The following GPR35 variants were observed in gnomAD, a reference collection of about 807,000 sequenced individuals.
The protein encoded by GPR35 is KYNA receptor.
For synonymous variants in GPR35, 207 were observed against 198.4 expected (o/e 1.04, Z -0.36); for missense variants, 372 against 422.5 (o/e 0.88, Z 1.05).
chr2:240,609,818 A>G (rs1445907226), intron 2 of GPR35, among the ~76,000 whole-genome samples: 1 of 152,212 alleles, frequency 6.6e-6, no homozygotes, highest in Non-Finnish European at 1.5e-5. Context: ...GTGTCATAAT[A>G]ACCGATCACA....
rs1405711783 is a variant in GPR35 at position 240,630,646 on chromosome 2, C to G, written c.694C>G (p.Pro232Ala). 3 of 1,612,956 alleles carry G rather than the reference C, an allele frequency of 1.9e-6. No individual in the cohort carries two copies. The highest frequency in any genetic ancestry group is 2.5e-6 in the Non-Finnish European group (3 of 1,180,024). Residue 232 changes from proline (P) to alanine (A), a missense_variant, in exon 2 of 2, where the codon CCC becomes GCC. Transcript: ENST00000407714. ...CCTGGTGTTCGTGGTCTGCTTCCTG[C>G]CCCTGCACGTGGGGCTGACAGTGCG... ...NLLVFVVCFL[P>A]LHVGLTVRLA...
intron 2 of GPR35, among the ~76,000 whole-genome samples, chr2:240,613,874 A>G (rs2043211948): frequency 6.6e-6 from 1 of 150,918 alleles, no homozygotes; most frequent in Admixed American, 6.6e-5. Flanking sequence ...CCTAACCCTA[A>G]CTCAACCCAA....
At chr2:240,608,005 C>A (rs915606669) in intron 2 of GPR35, among the ~76,000 whole-genome samples, 1 of 152,296 alleles carries the variant, frequency 6.6e-6, no homozygotes, top group African/African-American at 2.4e-5. Flanking sequence ...GATCCTCCCA[C>A]CTCAGCTTCC....
At chr2:240,627,541 A>G (rs1015182910) in intron 1 of GPR35, 9 of 148,950 alleles carry the variant, frequency 6.0e-5, no homozygotes, top group African/African-American at 1.7e-4. Context: ...ATCATAGCTC[A>G]CTTCAGCCTC....
chr2:240,616,267 G>T, intron 2 of GPR35: 1 of 636,070 alleles, frequency 1.6e-6, no homozygotes, highest in Non-Finnish European at 2.8e-6. Context: ...TGGGCTCGTG[G>T]TCCCAACCTC....
At position 240,631,031 on chromosome 2, in the gene GPR35, CCAGGTACCTGCT is replaced by C; in HGVS notation, c.*151_*162del. The C allele has an allele frequency of 3.0e-6, 2 of 666,302 alleles. No individual in the cohort carries two copies. Among genetic ancestry groups the C allele is most frequent in the South Asian group, 3.8e-5 (2 of 52,602 alleles). The allele number at this position is 666,302 out of a possible 1,614,324, so 41.3% of individuals were successfully genotyped here. ...GGAGCCTTGGGTGGGCAGGGACGGC[CCAGGTACCTGCT>C]CTCTTGGGAAGAGAGAGGGACAGGG... is the stretch of plus-strand genomic sequence containing the variant. On this transcript the variant is annotated 3_prime_UTR_variant, in exon 2 of 2. Transcript: ENST00000407714.
At chr2:240,608,304 C>T (rs1469611775) in intron 2 of GPR35, among the ~76,000 whole-genome samples, 3 of 152,288 alleles carry the variant, frequency 2.0e-5, no homozygotes, top group Admixed American at 6.5e-5. Flanking sequence ...CCTCCAATAC[C>T]GTTTTTAATA....
chr2:240,611,012 A>G (rs988449315), intron 2 of GPR35, among the ~76,000 whole-genome samples: 1 of 151,920 alleles, frequency 6.6e-6, no homozygotes, highest in Non-Finnish European at 1.5e-5. Context: ...TGCTCACTAC[A>G]ACCTCCACTT....
intron 1 of GPR35, among the ~76,000 whole-genome samples, chr2:240,625,942 T>G (rs2043369088): frequency 9.7e-6 from 1 of 103,478 alleles, no homozygotes; most frequent in Non-Finnish European, 2.1e-5. Context: ...GGTGAGGCTG[T>G]GATGGGTTCT....
intron 1 of GPR35, chr2:240,629,618 T>G: frequency 1.6e-5 from 4 of 247,386 alleles, no homozygotes; most frequent in Non-Finnish European, 3.1e-5. Context: ...CTGTCCAGGA[T>G]TTGCGCTCTG....
At chr2:240,617,111 G>T in exon 4 of GPR35, 1 of 673,836 alleles carries the variant, frequency 1.5e-6, no homozygotes. Flanking sequence ...AGCTGGAAGT[G>T]AATCTCCTCG....
exon 3 of GPR35, chr2:240,616,448 G>A: frequency 1.3e-6 from 1 of 780,720 alleles, no homozygotes; most frequent in Non-Finnish European, 2.4e-6. Flanking sequence ...TGTATGGCTG[G>A]AGTTCCCATG....
At chr2:240,614,980 G>T (rs1382755788) in intron 2 of GPR35, among the ~76,000 whole-genome samples, 2 of 152,084 alleles carry the variant, frequency 1.3e-5, no homozygotes, top group Non-Finnish European at 2.9e-5. Flanking sequence ...ATGTATCTAT[G>T]TGTGTTTATA....
intron 2 of GPR35, among the ~76,000 whole-genome samples, chr2:240,609,883 G>T (rs993866330): frequency 1.3e-5 from 2 of 151,500 alleles, no homozygotes; most frequent in African/African-American, 4.8e-5. Context: ...TCATTTTTTG[G>T]ATTCTTTGTA....
At chr2:240,610,079 C>T (rs1395321430) in intron 2 of GPR35, among the ~76,000 whole-genome samples, 1 of 152,038 alleles carries the variant, frequency 6.6e-6, no homozygotes. Flanking sequence ...CCTGCCTCAG[C>T]CTCCTGAGTA....
chr2:240,630,999 T>G lies in GPR35; in HGVS notation c.*117T>G. ...AGATCAGCCCTGAACTCACTGTGTATTCTCTTGGAGCCTTGGGTGGGCAGG... is the reference window on the plus strand; with the variant it reads ...AGATCAGCCCTGAACTCACTGTGTAGTCTCTTGGAGCCTTGGGTGGGCAGG... On this transcript the variant is annotated 3_prime_UTR_variant, in exon 2 of 2. Transcript: ENST00000407714. 4.7e-6 allele frequency: 4 copies of G among 844,910 alleles called. No homozygotes were observed. Among genetic ancestry groups the G allele is most frequent in the Non-Finnish European group, 7.6e-6 (4 of 529,752 alleles). 52.3% of individuals were successfully genotyped at this position (844,910 alleles called of 1,614,324 possible).
At position 240,608,545 on chromosome 2, in the gene GPR35, C is replaced by G. The variant is rs551291305; in HGVS notation, c.-577+1933C>G. On this transcript the variant is annotated intron_variant, in intron 2 of 5. Transcript: ENST00000319838. The stretch of plus-strand genomic sequence containing the variant: ...AAATATATACATTTTACCATTTATT[C>G]TATTAATTGATGTTCTAATGCTAAA... 3.2e-4 allele frequency among the ~76,000 whole-genome samples: 49 copies of G among 152,210 alleles called. No individual in the cohort carries two copies. The South Asian group carries it at 4.8e-3, about 15-fold the overall frequency.
chr2:240,616,740 G>GGAA (rs2043242141), intron 3 of GPR35, among the ~76,000 whole-genome samples: 1 of 20,840 alleles, frequency 4.8e-5, no homozygotes, highest in African/African-American at 2.3e-4. Context: ...AAACAATACA[G>GGAA]TAAAAAAAAA....
At chr2:240,625,974 T>C (rs1019249265) in intron 1 of GPR35, among the ~76,000 whole-genome samples, 11 of 43,078 alleles carry the variant, frequency 2.6e-4, no homozygotes, top group Admixed American at 8.7e-4. Flanking sequence ...GAGGCTGTGA[T>C]GGGTTCTCAG....
Sources: allele counts gnomAD v4.1 joint callset (sites outside exome capture counted in the v4.1 genomes callset), GRCh38; gene constraint gnomAD v4.1.1; transcripts MANE v1.5; gene names NCBI Gene and HGNC (gene_info 2026-07-23, HGNC 2026-07-21).